NCOR1: variants seen among roughly 807,000 people sequenced by gnomAD.
The protein encoded by NCOR1 is nuclear receptor corepressor 1, also known as protein phosphatase 1, regulatory subunit 109.
In NCOR1, 63 loss-of-function variants were observed where a neutral mutation model predicts 288.1. That is an observed-to-expected ratio of 0.22 (90% CI 0.18 to 0.27). The LOEUF (loss-of-function observed/expected upper bound fraction) is 0.27, where lower values mean the gene tolerates loss of function less well. Among genes scored for constraint, NCOR1 ranks in the 10% least tolerant of loss-of-function variants. The pLI is 1.00. For missense variants in NCOR1, 2,397 were observed against 3,019.2 expected, an observed-to-expected ratio of 0.79 and a Z score of 4.83; for synonymous variants, 1,007 against 1,065.9, an observed-to-expected ratio of 0.94 and a Z score of 1.08.
At chr17:16,195,958 A>G (rs2089688489) in intron 1 of NCOR1, among the ~76,000 whole-genome samples, 1 of 151,882 alleles carries the variant, frequency 6.6e-6, no homozygotes, top group Non-Finnish European at 1.5e-5. Context: ...TGTGTGCCAT[A>G]ATATATAATT....
chr17:16,174,456 T>C (rs2083707901), intron 3 of NCOR1, among the ~76,000 whole-genome samples: 1 of 152,180 alleles, frequency 6.6e-6, no homozygotes, highest in Non-Finnish European at 1.5e-5. Context: ...CCAGCAACTC[T>C]GCCTCTGAGA....
intron 42 of NCOR1, chr17:16,044,960 A>C: frequency 1.7e-6 from 1 of 577,126 alleles, no homozygotes; most frequent in Non-Finnish European, 3.1e-6. Flanking sequence ...TGTTTTGACT[A>C]AATTTCTTAT....
chr17:16,054,915 G>A (rs2059741986), intron 40 of NCOR1, among the ~76,000 whole-genome samples: 1 of 152,142 alleles, frequency 6.6e-6, no homozygotes, highest in Non-Finnish European at 1.5e-5. Context: ...CTGGGCAACA[G>A]GGCAAGACTC....
chr17:16,135,485 T>C (rs937905793), intron 14 of NCOR1, among the ~76,000 whole-genome samples: 3 of 152,136 alleles, frequency 2.0e-5, no homozygotes, highest in Non-Finnish European at 2.9e-5. Flanking sequence ...TACCGACCCA[T>C]TTCACTATTC....
Position 16,073,053 on chromosome 17 carries a change from C to T in NCOR1, c.3811+376G>A, listed in dbSNP as rs552687957. ...TTTAAATTCATGTCTTTATCCATTA[C>T]ACCACTTTATCTGTCTCACAATTCA... On this transcript the variant is annotated intron_variant, in intron 28 of 45. Coordinates refer to ENST00000268712, the MANE Select transcript of NCOR1 (RefSeq NM_006311.4). 2.0e-5 allele frequency among the ~76,000 whole-genome samples: 3 copies of T among 152,338 alleles called. No individual in the cohort carries two copies. In the South Asian group the frequency reaches 6.2e-4, roughly 32 times the overall value.
chr17:16,151,874 G>C, intron 8 of NCOR1, 72 bp downstream of exon 8: 1 of 1,147,272 alleles, frequency 8.7e-7, no homozygotes, highest in Admixed American at 2.1e-5. Flanking sequence ...AATGTCAGCA[G>C]ATAACAAAAA....
At chr17:16,189,597 A>G (rs1386358449) in intron 2 of NCOR1, among the ~76,000 whole-genome samples, 6 of 152,146 alleles carry the variant, frequency 3.9e-5, no homozygotes, top group Admixed American at 6.5e-5. Context: ...AAAAGTTCCA[A>G]CATCCCATAT....
At chr17:16,052,127 G>A (rs1183097792) in intron 40 of NCOR1, among the ~76,000 whole-genome samples, 1 of 151,350 alleles carries the variant, frequency 6.6e-6, no homozygotes, top group Non-Finnish European at 1.5e-5. Flanking sequence ...TCCTGCCTCA[G>A]CCTCCCGAGT....
chr17:16,034,642 A>T (rs1973742163), intron 45 of NCOR1, 123 bp downstream of exon 45: 1 of 876,428 alleles, frequency 1.1e-6, no homozygotes, highest in Admixed American at 2.5e-5. Context: ...GAACATATTA[A>T]TGATACAGAA....
intron 11 of NCOR1, among the ~76,000 whole-genome samples, chr17:16,141,463 T>TC (rs2077148866): frequency 6.6e-6 from 1 of 152,172 alleles, no homozygotes; most frequent in African/African-American, 2.4e-5. Flanking sequence ...GTTCTATACC[T>TC]CCTCCAGGGC....
intron 3 of NCOR1, among the ~76,000 whole-genome samples, chr17:16,183,033 T>C (rs2085822559): frequency 6.6e-6 from 1 of 151,860 alleles, no homozygotes; most frequent in African/African-American, 2.4e-5. Flanking sequence ...GGAAAGTTCC[T>C]TAACATAATA....
At chr17:16,079,916 T>C in intron 26 of NCOR1, 48 bp downstream of exon 26, 3 of 1,484,238 alleles carry the variant, frequency 2.0e-6, no homozygotes, top group Non-Finnish European at 2.8e-6. Context: ...TTATTTATCA[T>C]TTTTTCCTGA....
chr17:16,209,652 A>AAC (rs397779851), intron 1 of NCOR1, among the ~76,000 whole-genome samples: 1 of 150,962 alleles, frequency 6.6e-6, no homozygotes, highest in African/African-American at 2.4e-5. Context: ...AAAAAAAAAA[A>AAC]CCATAAAGAA....
At chr17:16,066,338 C>T (rs575312668) in intron 32 of NCOR1, among the ~76,000 whole-genome samples, 1 of 152,248 alleles carries the variant, frequency 6.6e-6, no homozygotes, top group East Asian at 1.9e-4. Context: ...CAAGTGGCAA[C>T]AGGATTTGGC....
At chr17:16,109,510 ATTATTG>A (rs1463645687) in intron 18 of NCOR1, among the ~76,000 whole-genome samples, 2 of 152,080 alleles carry the variant, frequency 1.3e-5, no homozygotes, top group African/African-American at 4.8e-5. Context: ...ATTCTTCCTA[ATTATTG>A]TTATTAATGA....
At chr17:16,183,961 G>C (rs1191040007) in intron 3 of NCOR1, among the ~76,000 whole-genome samples, 1 of 152,088 alleles carries the variant, frequency 6.6e-6, no homozygotes, top group Non-Finnish European at 1.5e-5. Flanking sequence ...TTTGACAAGG[G>C]AACCACAGCA....
chr17:16,191,193 C>T (rs140178116), intron 2 of NCOR1, among the ~76,000 whole-genome samples: 188 of 152,288 alleles, frequency 1.2e-3, no homozygotes, highest in Non-Finnish European at 2.2e-3. Context: ...GCAAACAATT[C>T]CCTGAGCTCA....
At chr17:16,119,897 G>A (rs2072623154) in intron 16 of NCOR1, among the ~76,000 whole-genome samples, 1 of 151,958 alleles carries the variant, frequency 6.6e-6, no homozygotes, top group South Asian at 2.1e-4. Flanking sequence ...TAAAACTCCT[G>A]GAGCCCCTTT....
chr17:16,197,526 G>C (rs2090067677), intron 1 of NCOR1, among the ~76,000 whole-genome samples: 1 of 152,104 alleles, frequency 6.6e-6, no homozygotes. Context: ...AAATCTTAAG[G>C]ATTGTAAGGT....
Sources: allele counts gnomAD v4.1 joint callset (sites outside exome capture counted in the v4.1 genomes callset), GRCh38; gene constraint gnomAD v4.1.1; transcripts MANE v1.5; gene names NCBI Gene and HGNC (gene_info 2026-07-23, HGNC 2026-07-21).